GDA: variants seen among roughly 807,000 people sequenced by gnomAD.
GDA encodes guanine deaminase, also known as cytoplasmic PSD-95 interactor.
In GDA, 18 loss-of-function variants were observed where a neutral mutation model predicts 59.6. The ratio of observed to expected loss-of-function variants is 0.30; its 90% confidence interval spans 0.21 to 0.45. GDA has a LOEUF of 0.45. GDA is among the 20% of genes least tolerant of loss of function. The pLI is 1.00. For missense variants in GDA, 427 were observed against 552.3 expected (o/e 0.77, Z 2.27); for synonymous variants, 201 against 201.1 (o/e 1.00, Z 0.00).
intron 1 of GDA, among the ~76,000 whole-genome samples, chr9:72,180,840 G>T (rs764432190): frequency 2.6e-5 from 4 of 152,104 alleles, no homozygotes; most frequent in Non-Finnish European, 4.4e-5. Context: ...TATATTCAAG[G>T]GTTGTTTAGC....
At chr9:72,168,694 G>A (rs1192443842) in intron 1 of GDA, among the ~76,000 whole-genome samples, 1 of 152,142 alleles carries the variant, frequency 6.6e-6, no homozygotes, top group African/African-American at 2.4e-5. Context: ...AATGAAGAAT[G>A]TATAGCACTT....
chr9:72,234,863 A>G (rs1838781120), intron 10 of GDA, among the ~76,000 whole-genome samples: 1 of 152,222 alleles, frequency 6.6e-6, no homozygotes, highest in Non-Finnish European at 1.5e-5. Flanking sequence ...AAATACCAAA[A>G]GGCAAGAAAA....
intron 10 of GDA, among the ~76,000 whole-genome samples, chr9:72,239,812 A>G (rs924795537): frequency 6.6e-6 from 1 of 152,168 alleles, no homozygotes; most frequent in African/African-American, 2.4e-5. Context: ...GAAATTTTTT[A>G]GAGAGCTGGG....
intron 10 of GDA, among the ~76,000 whole-genome samples, chr9:72,239,878 T>C (rs78649603): frequency 0.019 from 2,867 of 152,242 alleles, 116 homozygotes; most frequent in African/African-American, 0.066. Context: ...GAACATAAAA[T>C]TGAGCTACAA....
intron 1 of GDA, among the ~76,000 whole-genome samples, chr9:72,132,040 T>G (rs1826042677): frequency 6.6e-6 from 1 of 152,112 alleles, no homozygotes; most frequent in African/African-American, 2.4e-5. Flanking sequence ...AACCATCAGA[T>G]CTTATGAGAC....
chr9:72,253,042 C>T (rs944886674), downstream of GDA, among the ~76,000 whole-genome samples: 1 of 152,090 alleles, frequency 6.6e-6, no homozygotes, highest in African/African-American at 2.4e-5. Flanking sequence ...AGTGATATTA[C>T]GGATCCTCCT....
At chr9:72,228,573 A>G (rs189021404) in intron 9 of GDA, 1 of 152,960 alleles carries the variant, frequency 6.5e-6, no homozygotes, top group Admixed American at 6.5e-5. Context: ...TTGAAAGGTG[A>G]TGGATCCGTA....
intron 1 of GDA, among the ~76,000 whole-genome samples, chr9:72,178,212 G>A (rs148267584): frequency 6.6e-6 from 1 of 152,182 alleles, no homozygotes; most frequent in Non-Finnish European, 1.5e-5. Flanking sequence ...AATGATTTGT[G>A]GACTACAGAA....
chr9:72,126,943 T>TAATTTG (rs1825869319), intron 1 of GDA, among the ~76,000 whole-genome samples: 1 of 152,036 alleles, frequency 6.6e-6, no homozygotes, highest in Non-Finnish European at 1.5e-5. Context: ...TCTGGTGCCA[T>TAATTTG]CCTTGAGCAA....
At chr9:72,154,071 C>T (rs1827594651) in intron 1 of GDA, among the ~76,000 whole-genome samples, 1 of 152,182 alleles carries the variant, frequency 6.6e-6, no homozygotes, top group Admixed American at 6.5e-5. Flanking sequence ...CCACATACAT[C>T]AGGGTCAGGT....
intron 1 of GDA, among the ~76,000 whole-genome samples, chr9:72,180,851 A>G (rs980581043): frequency 6.6e-6 from 1 of 152,230 alleles, no homozygotes; most frequent in African/African-American, 2.4e-5. Flanking sequence ...GTTGTTTAGC[A>G]TATTACCGAC....
chr9:72,167,819 G>T (rs1464161979), intron 1 of GDA, among the ~76,000 whole-genome samples: 7 of 152,180 alleles, frequency 4.6e-5, no homozygotes, highest in Non-Finnish European at 1.0e-4. Context: ...TATCATACAT[G>T]CAGAAACTCT....
At chr9:72,220,162 A>G (rs7019189) in intron 6 of GDA, among the ~76,000 whole-genome samples, 2,388 of 152,284 alleles carry the variant, frequency 0.016, 60 homozygotes, top group African/African-American at 0.055. Flanking sequence ...GCCCATTACA[A>G]TAAGTGAAAT....
At chr9:72,203,630 G>C (rs1291308168) in intron 3 of GDA, among the ~76,000 whole-genome samples, 2 of 152,110 alleles carry the variant, frequency 1.3e-5, no homozygotes, top group Non-Finnish European at 2.9e-5. Context: ...ATTATGTCCT[G>C]GTGTTCAGCG....
At chr9:72,155,453 A>C (rs1827783621) in intron 1 of GDA, among the ~76,000 whole-genome samples, 1 of 152,220 alleles carries the variant, frequency 6.6e-6, no homozygotes, top group Non-Finnish European at 1.5e-5. Flanking sequence ...TAAGGTGGAC[A>C]GCATTGGAAG....
At chr9:72,121,561 C>T (rs1825662049) in intron 1 of GDA, among the ~76,000 whole-genome samples, 1 of 152,192 alleles carries the variant, frequency 6.6e-6, no homozygotes, top group Admixed American at 6.5e-5. Flanking sequence ...CGCGCCATTG[C>T]ACTCCAGCCT....
rs10120863 is a variant in GDA, at chr9:72,245,425, A to G, written c.1266+147A>G. 1,397 of 603,718 alleles carry G rather than the reference A, an allele frequency of 2.3e-3. 14 individuals carry two copies. The highest frequency in any genetic ancestry group is 0.022 in the African/African-American group (1,207 of 53,948). The allele number at this position is 603,718 out of a possible 1,614,324, so 37.4% of individuals were successfully genotyped here. ...ACGCTAGAGCCCTTTGATAATTATT[A>G]TAATTTTATGACAGCAATGTTAAGA... On this transcript the variant is annotated intron_variant, in intron 12 of 13. Coordinates refer to ENST00000358399, the MANE Select transcript of GDA (RefSeq NM_004293.5).
chr9:72,188,996 T>G (rs1009718199), intron 1 of GDA, among the ~76,000 whole-genome samples: 4 of 152,136 alleles, frequency 2.6e-5, no homozygotes, highest in Non-Finnish European at 4.4e-5. Flanking sequence ...CTTCTCTTTT[T>G]GCCTATTTTT....
intron 1 of GDA, among the ~76,000 whole-genome samples, chr9:72,116,045 C>T (rs1587281973): frequency 6.6e-6 from 1 of 151,998 alleles, no homozygotes; most frequent in Admixed American, 6.6e-5. Flanking sequence ...ACCAGCCTGA[C>T]CAACATGGAG....
Sources: allele counts gnomAD v4.1 joint callset (sites outside exome capture counted in the v4.1 genomes callset), GRCh38; gene constraint gnomAD v4.1.1; transcripts MANE v1.5; gene names NCBI Gene and HGNC (gene_info 2026-07-23, HGNC 2026-07-21).